MGAT4D: variants seen among roughly 807,000 people sequenced by gnomAD.
MGAT4D encodes alpha-1,3-mannosyl-glycoprotein 4-beta-N-acetylglucosaminyltransferase-like protein MGAT4D.
Under a neutral mutation model 15.9 loss-of-function variants are expected in MGAT4D, and 34 were observed. The ratio of observed to expected loss-of-function variants is 2.14; its 90% CI spans 1.62 to 2.84. The LOEUF is 2.84. Ranked by LOEUF, MGAT4D falls within the 30% of genes most tolerant of loss-of-function variation. MGAT4D has a pLI of 0.00. For missense variants in MGAT4D, 327 were observed against 140.2 expected, an observed-to-expected ratio of 2.33 and a Z score of -6.73; for synonymous variants, 112 against 48.2, an observed-to-expected ratio of 2.33 and a Z score of -5.49.
At chr4:140,471,720 TAA>T in intron 5 of MGAT4D, 53 bp downstream of exon 5, 1 of 378,762 alleles carries the variant, frequency 2.6e-6, no homozygotes, top group Non-Finnish European at 4.8e-6. Context: ...ACAGAAAAAA[TAA>T]GATAGAAAAA....
rs980422710 is a variant in MGAT4D, at chr4:140,443,685, A to G, written c.1117-241T>C. ...TTAAAATGATTGAAAGCAGATTTCC[A>G]TCTGTGGGATTCCGGGGAAATCTTT... is the stretch of plus-strand genomic sequence containing the variant. On this transcript the variant is annotated intron_variant, in intron 10 of 10. Coordinates refer to ENST00000511113, the MANE Select transcript of MGAT4D (RefSeq NM_001277353.2). 2.4e-4 allele frequency among the ~76,000 whole-genome samples: 37 copies of G among 152,098 alleles called. 1 individual carries two copies. Among genetic ancestry groups the G allele is most frequent in the African/African-American group, 8.4e-4 (35 of 41,440 alleles).
In MGAT4D at chr4:140,448,585, C is replaced by T. The variant is rs6828036; in HGVS notation, c.1116+2825G>A. Among the ~76,000 whole-genome samples the T allele has an allele frequency of 9.5e-3, 1,448 of 152,238 alleles. 27 individuals are homozygous for T. Among genetic ancestry groups the T allele is most frequent in the African/African-American group, 0.033 (1,365 of 41,530 alleles). On this transcript the variant is annotated intron_variant, in intron 10 of 10. Transcript: ENST00000511113. Reference sequence around the variant, plus strand: ...TTATTTTTTATACTGGTTATTTTATCTGTCAGCTCCTGTATTGTTATATTT... The same window carrying T: ...TTATTTTTTATACTGGTTATTTTATTTGTCAGCTCCTGTATTGTTATATTT...
intron 6 of MGAT4D, among the ~76,000 whole-genome samples, chr4:140,462,908 A>G (rs537051200): frequency 6.6e-6 from 1 of 152,328 alleles, no homozygotes; most frequent in African/African-American, 2.4e-5. Flanking sequence ...TTCAAGAAAC[A>G]CTGCAGCAAC....
intron 10 of MGAT4D, among the ~76,000 whole-genome samples, chr4:140,446,743 G>GTTTTTTTTTTTTTTTTT (rs149442061): frequency 2.4e-4 from 2 of 8,170 alleles, no homozygotes; most frequent in African/African-American, 1.0e-3. Context: ...TGCTTCTCTA[G>GTTTTTTTTTTTTTTTTT]TTTTTTTTTT....
At chr4:140,475,063 T>G in intron 3 of MGAT4D, 117 bp from the exon 4 acceptor site, 1 of 417,796 alleles carries the variant, frequency 2.4e-6, no homozygotes, top group Middle Eastern at 5.7e-4. Flanking sequence ...AAATGAGTGT[T>G]TGAAACTGTA....
chr4:140,485,492 G>T (rs899533933), intron 1 of MGAT4D, among the ~76,000 whole-genome samples: 5 of 151,752 alleles, frequency 3.3e-5, no homozygotes, highest in Non-Finnish European at 7.4e-5. Flanking sequence ...CATGGCACAT[G>T]TATACATATG....
chr4:140,487,495 G>C (rs1365980197), intron 1 of MGAT4D, among the ~76,000 whole-genome samples: 1 of 152,254 alleles, frequency 6.6e-6, no homozygotes, highest in South Asian at 2.1e-4. Context: ...ATTTTAAAAA[G>C]TGAAAAGAAA....
chr4:140,474,529 G>C (rs1227523355), intron 4 of MGAT4D, among the ~76,000 whole-genome samples: 1 of 152,082 alleles, frequency 6.6e-6, no homozygotes, highest in African/African-American at 2.4e-5. Context: ...ATAGTAGGCA[G>C]GGATTCAGGG....
chr4:140,450,712 C>A (rs1042615514), intron 10 of MGAT4D, among the ~76,000 whole-genome samples: 17 of 152,162 alleles, frequency 1.1e-4, no homozygotes, highest in Admixed American at 3.9e-4. Flanking sequence ...AGTGTAAAGA[C>A]ACTAAGGGTA....
At chr4:140,467,340 T>C (rs1431515215) in intron 5 of MGAT4D, among the ~76,000 whole-genome samples, 1 of 152,184 alleles carries the variant, frequency 6.6e-6, no homozygotes, top group African/African-American at 2.4e-5. Flanking sequence ...TGTGTAACTT[T>C]AAACTACAAG....
chr4:140,450,279 C>A (rs1313006820), intron 10 of MGAT4D, among the ~76,000 whole-genome samples: 2 of 152,038 alleles, frequency 1.3e-5, no homozygotes, highest in Non-Finnish European at 2.9e-5. Flanking sequence ...ACTTAATATG[C>A]CATGAATTTA....
intron 1 of MGAT4D, among the ~76,000 whole-genome samples, chr4:140,487,791 A>C (rs541096799): frequency 3.0e-4 from 45 of 152,328 alleles, no homozygotes; most frequent in South Asian, 4.1e-4. Context: ...AACATAAAAT[A>C]AAAAATGCTG....
intron 5 of MGAT4D, among the ~76,000 whole-genome samples, chr4:140,467,233 T>C (rs370289700): frequency 2.0e-5 from 3 of 151,990 alleles, no homozygotes; most frequent in Non-Finnish European, 4.4e-5. Context: ...CCTTGGGGAA[T>C]AGAAAATACT....
intron 7 of MGAT4D, among the ~76,000 whole-genome samples, chr4:140,461,416 C>A (rs1274404971): frequency 2.0e-5 from 3 of 152,016 alleles, no homozygotes; most frequent in African/African-American, 7.2e-5. Context: ...TATTATTTAA[C>A]AATGTGGAGA....
intron 9 of MGAT4D, among the ~76,000 whole-genome samples, chr4:140,453,022 G>T (rs1205450946): frequency 6.6e-6 from 1 of 152,090 alleles, no homozygotes; most frequent in South Asian, 2.1e-4. Context: ...TTTCTCCATT[G>T]AATTGCATAC....
At chr4:140,495,302 C>G (rs1433253994) in intron 1 of MGAT4D, among the ~76,000 whole-genome samples, 1 of 152,204 alleles carries the variant, frequency 6.6e-6, no homozygotes, top group Non-Finnish European at 1.5e-5. Flanking sequence ...CAGCCCTTTC[C>G]TTTAAAACAG....
chr4:140,457,455 A>T (rs936036049), intron 8 of MGAT4D: 1 of 152,042 alleles, frequency 6.6e-6, no homozygotes, highest in African/African-American at 2.4e-5. Context: ...TTGTATTTTA[A>T]TTTTTTAATT....
At chr4:140,485,550 A>T (rs544951227) in intron 1 of MGAT4D, among the ~76,000 whole-genome samples, 1 of 152,038 alleles carries the variant, frequency 6.6e-6, no homozygotes, top group South Asian at 2.1e-4. Context: ...TTAAAAGTAT[A>T]ATAATAATTA....
intron 8 of MGAT4D, 172 bp downstream of exon 8, chr4:140,459,333 AATACATT>A (rs2126715893): frequency 3.4e-6 from 1 of 297,022 alleles, no homozygotes; most frequent in East Asian, 5.0e-5. Context: ...TGGTTAAGAA[AATACATT>A]ATCTGGAATT....
Sources: gnomAD v4.1 joint callset for allele counts (sites outside exome capture counted in the v4.1 genomes callset) on GRCh38, gnomAD v4.1.1 for gene constraint, MANE v1.5 for transcripts, NCBI Gene and HGNC (gene_info 2026-07-23, HGNC 2026-07-21) for gene names.